MALSU1: variants seen among roughly 807,000 people sequenced by gnomAD.
MALSU1 encodes the protein mitochondrial assembly of ribosomal large subunit 1, also known as mitochondrial assembly of ribosomal large subunit protein 1.
MALSU1 carries 22 observed loss-of-function variants against 22.1 expected under a neutral mutation model. The ratio of observed to expected loss-of-function variants is 1.00; its 90% confidence interval spans 0.71 to 1.42. The LOEUF is 1.42. Ranked by LOEUF, MALSU1 falls within the 40% of genes most tolerant of loss-of-function variation. MALSU1 has a pLI of 0.00. For synonymous variants in MALSU1, 153 were observed against 118.5 expected (o/e 1.29, Z -1.89); for missense variants, 379 against 308.3 (o/e 1.23, Z -1.72).
At position 23,303,807 on chromosome 7, in the gene MALSU1, T is replaced by C. The variant is rs559959806; in HGVS notation, c.435+2790T>C. ...CTGGGTGACAGAGCAAGACGCTGTC[T>C]CAAAAGAAAAAAAAAAAAAAAAAAG... On this transcript the variant is annotated intron_variant, in intron 2 of 3. Coordinates refer to ENST00000466681, the MANE Select transcript of MALSU1 (RefSeq NM_138446.2). Among the ~76,000 whole-genome samples the C allele has an allele frequency of 1.6e-3, 130 of 83,460 alleles. 2 individuals carry two copies. The highest frequency in any genetic ancestry group is 5.6e-3 in the African/African-American group (123 of 22,008). The allele number at this position is 83,460 out of a possible 152,430, so 54.8% of individuals were successfully genotyped here.
intron 2 of MALSU1, among the ~76,000 whole-genome samples, chr7:23,306,994 G>T (rs1045170824): frequency 2.0e-5 from 3 of 152,144 alleles, no homozygotes; most frequent in Admixed American, 6.5e-5. Flanking sequence ...AAGCCATCTG[G>T]TCTAGGACTT....
chr7:23,300,682 C>G (rs1783630443), intron 1 of MALSU1, among the ~76,000 whole-genome samples, 157 bp from the exon 2 acceptor site: 1 of 152,078 alleles, frequency 6.6e-6, no homozygotes, highest in Non-Finnish European at 1.5e-5. Context: ...TACTACTGCC[C>G]AGGTTCACCT....
At chr7:23,308,895 A>AACATT (rs150159025) in intron 3 of MALSU1, among the ~76,000 whole-genome samples, 7,797 of 152,188 alleles carry the variant, frequency 0.051, 659 homozygotes, top group African/African-American at 0.18. Context: ...AATGACTCTA[A>AACATT]ACATTACCAT....
intron 2 of MALSU1, among the ~76,000 whole-genome samples, chr7:23,305,889 C>A (rs1242622765): frequency 6.6e-6 from 1 of 152,052 alleles, no homozygotes; most frequent in Non-Finnish European, 1.5e-5. Context: ...GTCTTTTGCT[C>A]CTGTGGTTAA....
chr7:23,300,731 T>A (rs761522977), intron 1 of MALSU1, 108 bp from the exon 2 acceptor site: 2 of 935,638 alleles, frequency 2.1e-6, no homozygotes, highest in African/African-American at 3.3e-5. Context: ...AAAAACACTT[T>A]GGATCTAAAC....
At chr7:23,309,325 C>T in intron 3 of MALSU1, 31 bp from the exon 4 acceptor site, 3 of 1,557,776 alleles carry the variant, frequency 1.9e-6, no homozygotes, top group Non-Finnish European at 1.7e-6. Context: ...TGAACTATTC[C>T]TTCATTGTAT....
intron 2 of MALSU1, 90 bp from the exon 3 acceptor site, chr7:23,307,778 A>C (rs1024615230): frequency 2.5e-6 from 2 of 789,868 alleles, no homozygotes; most frequent in East Asian, 2.6e-5. Flanking sequence ...ATTAAAAAAA[A>C]CAAACAAACA....
intron 2 of MALSU1, chr7:23,301,305 G>T: frequency 4.4e-6 from 1 of 229,602 alleles, no homozygotes; most frequent in Non-Finnish European, 8.5e-6. Flanking sequence ...TTGTTGCCCA[G>T]GCTGGAGTGC....
At chr7:23,309,311 C>CAAATG (rs1457958098) in intron 3 of MALSU1, 45 bp from the exon 4 acceptor site, 7 of 1,506,552 alleles carry the variant, frequency 4.6e-6, no homozygotes, top group Non-Finnish European at 6.3e-6. Context: ...AGAATAAAAG[C>CAAATG]AAATGAACTA....
chr7:23,299,656 A>AGCCC, intron 1 of MALSU1, 48 bp downstream of exon 1: 1 of 1,526,514 alleles, frequency 6.6e-7, no homozygotes. Context: ...GGCAGTCTGG[A>AGCCC]GTCAGGTCCC....
At chr7:23,304,106 CA>C (rs112453307) in intron 2 of MALSU1, among the ~76,000 whole-genome samples, 14,095 of 133,616 alleles carry the variant, frequency 0.11, 1,245 homozygotes, top group African/African-American at 0.25. Flanking sequence ...AACTCAGTCT[CA>C]AAAAAAAAAA....
At chr7:23,309,333 T>TATC in intron 3 of MALSU1, 23 bp from the exon 4 acceptor site, 1 of 1,584,946 alleles carries the variant, frequency 6.3e-7, no homozygotes, top group Non-Finnish European at 8.6e-7. Flanking sequence ...TCCTTCATTG[T>TATC]ATCTCTTATC....
At position 23,299,418 on chromosome 7, in the gene MALSU1, G is replaced by C. The variant is rs762483865; in HGVS notation, c.66G>C (p.Ser22=). ...TAATGTGGCGCAGGGCGGTTTCCTC[G>C]GTGGCGGGGTCCGCGGTTGGAGCCG... ...APLMWRRAVS[S]VAGSAVGAEP... Residue 22 remains serine (S), a synonymous_variant, in exon 1 of 4, where the codon TCG becomes TCC. Transcript: ENST00000466681. 1 of 1,601,876 alleles carries C rather than the reference G, an allele frequency of 6.2e-7. No individual in the cohort carries two copies. The highest frequency in any genetic ancestry group is 8.5e-7 in the Non-Finnish European group (1 of 1,178,190).
intron 3 of MALSU1, among the ~76,000 whole-genome samples, chr7:23,308,682 C>G (rs1255414359): frequency 6.6e-6 from 1 of 152,148 alleles, no homozygotes; most frequent in Non-Finnish European, 1.5e-5. Flanking sequence ...CCAGCACACA[C>G]AGTTGTAAAA....
At chr7:23,303,927 G>A (rs907029677) in intron 2 of MALSU1, among the ~76,000 whole-genome samples, 1 of 151,896 alleles carries the variant, frequency 6.6e-6, no homozygotes, top group South Asian at 2.1e-4. Flanking sequence ...CCAAAATGGT[G>A]AAACCCTGTC....
rs777205252 is a variant in MALSU1 at position 23,300,837 on chromosome 7, A to G, written c.257-2A>G. 2 of 1,612,730 alleles carry G rather than the reference A, an allele frequency of 1.2e-6. No homozygotes were observed. The highest frequency in any genetic ancestry group is 2.2e-5 in the East Asian group (1 of 44,850). On this transcript the variant is annotated splice_acceptor_variant, in intron 1 of 3. Transcript: ENST00000466681. LOFTEE classifies it high-confidence loss of function. Reference sequence around the variant, plus strand: ...ATACAAACAACTATTTGTGCATTTCAGATCATACTGGTCCCAAGTTTGACA... The same window carrying G: ...ATACAAACAACTATTTGTGCATTTCGGATCATACTGGTCCCAAGTTTGACA...
chr7:23,308,113 G>T, intron 3 of MALSU1, 164 bp downstream of exon 3: 1 of 622,476 alleles, frequency 1.6e-6, no homozygotes, highest in South Asian at 2.0e-5. Flanking sequence ...TAATCCAGGT[G>T]GTCTTATTCA....
rs1362248018 is a variant in MALSU1, at chr7:23,310,505, A to G, written c.*962A>G. On this transcript the variant is annotated 3_prime_UTR_variant, in exon 4 of 4. Coordinates refer to ENST00000466681, the MANE Select transcript of MALSU1 (RefSeq NM_138446.2). ...AATCAAATATTGGGGAAAAAAATCA[A>G]ATACTGAGAAAAGCTCTGGCCTTAA... 2.0e-5 allele frequency: 3 copies of G among 152,220 alleles called. No individual in the cohort carries two copies. The highest frequency in any genetic ancestry group is 7.2e-5 in the African/African-American group (3 of 41,458). 9.4% of individuals were successfully genotyped at this position (152,220 alleles called of 1,614,324 possible). A position where few individuals can be genotyped will look rare whatever the true frequency, so the allele number is the denominator to read the frequency against.
At chr7:23,308,541 A>C (rs1783755182) in intron 3 of MALSU1, among the ~76,000 whole-genome samples, 1 of 152,180 alleles carries the variant, frequency 6.6e-6, no homozygotes, top group African/African-American at 2.4e-5. Flanking sequence ...TTTCATGGAC[A>C]CTGGTAAAAG....
Sources: gnomAD v4.1 joint callset for allele counts (sites outside exome capture counted in the v4.1 genomes callset) on GRCh38, gnomAD v4.1.1 for gene constraint, MANE v1.5 for transcripts, NCBI Gene and HGNC (gene_info 2026-07-23, HGNC 2026-07-21) for gene names.